The following RCOR3 variants were observed in gnomAD, a reference collection of about 807,000 sequenced individuals.
RCOR3 encodes REST corepressor 3.
A neutral mutation model predicts 64.1 loss-of-function variants in RCOR3; 13 were observed. The ratio of observed to expected loss-of-function variants is 0.20; its 90% confidence interval spans 0.13 to 0.32. The LOEUF (loss-of-function observed/expected upper bound fraction) is 0.32. RCOR3 is among the 10% of genes least tolerant of loss of function. RCOR3 has a pLI of 1.00. For synonymous variants in RCOR3, 215 were observed against 239.0 expected (o/e 0.90, Z 0.93); for missense variants, 489 against 701.2 (o/e 0.70, Z 3.42).
chr1:211,276,225 TA>T (rs759538783), intron 4 of RCOR3, 31 bp from the exon 5 acceptor site: 1 of 1,601,464 alleles, frequency 6.2e-7, no homozygotes, highest in Non-Finnish European at 8.5e-7. Context: ...ATAAGTCCAT[TA>T]AAACCAAAGG....
intron 5 of RCOR3, 46 bp from the exon 6 acceptor site, chr1:211,278,071 T>C (rs1460061415): frequency 6.7e-7 from 1 of 1,491,128 alleles, no homozygotes; most frequent in Non-Finnish European, 9.1e-7. Flanking sequence ...ATTATTCATT[T>C]TGTTTATGAA....
At chr1:211,261,764 A>G (rs552259192) in intron 2 of RCOR3, among the ~76,000 whole-genome samples, 106 of 151,786 alleles carry the variant, frequency 7.0e-4, no homozygotes, top group African/African-American at 2.5e-3. Context: ...TACTAAAAAT[A>G]CAAAAAATTA....
Position 211,259,428 on chromosome 1 carries a change from GC to G in RCOR3, c.-131del. The G allele has an allele frequency of 1.2e-6, 1 of 867,968 alleles. No individual in the cohort carries two copies. The highest frequency in any genetic ancestry group is 1.7e-6 in the Non-Finnish European group (1 of 579,770). 53.8% of individuals were successfully genotyped at this position (867,968 alleles called of 1,614,324 possible). On this transcript the variant is annotated 5_prime_UTR_variant, in exon 1 of 12. Coordinates refer to ENST00000419091, the MANE Select transcript of RCOR3 (RefSeq NM_001136223.3). ...CGGTTATGGCGGCTCCATATTAACA[GC>G]CTCCTCCTCCTCCGCCGCCGCCGCC...
intron 2 of RCOR3, chr1:211,267,845 G>C (rs1048135265): frequency 5.2e-6 from 2 of 381,288 alleles, no homozygotes; most frequent in Non-Finnish European, 1.0e-5. Context: ...CGCCCTCCTT[G>C]GCCTCCCAAA....
At chr1:211,267,856 GT>G (rs1257985719) in intron 2 of RCOR3, 1 of 388,354 alleles carries the variant, frequency 2.6e-6, no homozygotes. Context: ...GCCTCCCAAA[GT>G]GCTGGGATTA....
chr1:211,281,995 C>G lies in RCOR3; in HGVS notation c.720+2679C>G, dbSNP rs959039642. On this transcript the variant is annotated intron_variant, in intron 7 of 11. Transcript: ENST00000419091. The stretch of plus-strand genomic sequence containing the variant: ...AATGAATGAGAATACATGCTATATG[C>G]TCTTAATTGTGATATAAACCTGAAA... Among the ~76,000 whole-genome samples the G allele has an allele frequency of 2.6e-5, 4 of 152,210 alleles. No individual in the cohort carries two copies. In the East Asian group the frequency reaches 7.7e-4, roughly 29 times the overall value.
chr1:211,271,326 T>C lies in RCOR3; in HGVS notation c.301+17T>C, dbSNP rs1319898030. The C allele has an allele frequency of 6.3e-7, 1 of 1,597,482 alleles. No homozygotes were observed. Among genetic ancestry groups the C allele is most frequent in the Admixed American group, 1.7e-5 (1 of 59,952 alleles). On this transcript the variant is annotated intron_variant, in intron 3 of 11. Coordinates refer to ENST00000419091, the MANE Select transcript of RCOR3 (RefSeq NM_001136223.3). ...ATGCCAAATGTAAGTTTTCTGAAGTTGAATGTTAATGTCAGCAGGAGTTTA... is the reference window on the plus strand; with the variant it reads ...ATGCCAAATGTAAGTTTTCTGAAGTCGAATGTTAATGTCAGCAGGAGTTTA...
intron 9 of RCOR3, among the ~76,000 whole-genome samples, chr1:211,297,666 A>G (rs1699975904): frequency 6.6e-6 from 1 of 152,196 alleles, no homozygotes; most frequent in African/African-American, 2.4e-5. Flanking sequence ...TTTGGATATT[A>G]CTTTGGGTTG....
At chr1:211,308,776 A>G (rs1701192319) in intron 10 of RCOR3, among the ~76,000 whole-genome samples, 1 of 135,572 alleles carries the variant, frequency 7.4e-6, no homozygotes, top group African/African-American at 2.8e-5. Context: ...CAGTGTCAGT[A>G]TCTCGGCTCA....
At chr1:211,282,006 G>A (rs1386672210) in intron 7 of RCOR3, among the ~76,000 whole-genome samples, 1 of 152,028 alleles carries the variant, frequency 6.6e-6, no homozygotes, top group African/African-American at 2.4e-5. Context: ...TCTTAATTGT[G>A]ATATAAACCT....
chr1:211,294,586 C>CTTTTTTTTTTTTT (rs35962546), intron 8 of RCOR3, among the ~76,000 whole-genome samples: 15 of 88,028 alleles, frequency 1.7e-4, no homozygotes, highest in African/African-American at 3.3e-4. Context: ...TTCTTTCTTT[C>CTTTTTTTTTTTTT]TTTTTTTTTT....
intron 7 of RCOR3, among the ~76,000 whole-genome samples, chr1:211,280,479 C>G (rs1205519853): frequency 6.6e-6 from 1 of 152,200 alleles, no homozygotes; most frequent in Non-Finnish European, 1.5e-5. Flanking sequence ...AATGTTGATT[C>G]AATAAATCAT....
Position 211,274,585 on chromosome 1 carries a change from AGTAAGT to A in RCOR3, c.354+327_354+332del, listed in dbSNP as rs149250297. Among the ~76,000 whole-genome samples, 1,191 of 152,204 alleles carry A rather than the reference AGTAAGT, an allele frequency of 7.8e-3. 12 individuals are homozygous for A. Among genetic ancestry groups the A allele is most frequent in the Middle Eastern group, 0.02 (6 of 294 alleles). On this transcript the variant is annotated intron_variant, in intron 4 of 11. Coordinates refer to ENST00000419091, the MANE Select transcript of RCOR3 (RefSeq NM_001136223.3). The stretch of plus-strand genomic sequence containing the variant: ...AAGTTAAGGTTTTGGTGTAATTTGG[AGTAAGT>A]GTACATAGATAGAACTTTAAAACAA...
chr1:211,264,899 C>A (rs2102430505), intron 2 of RCOR3, among the ~76,000 whole-genome samples: 1 of 152,294 alleles, frequency 6.6e-6, no homozygotes, highest in Non-Finnish European at 1.5e-5. Flanking sequence ...ACTGTACTTA[C>A]ATCATGAGGA....
At chr1:211,288,778 C>A (rs10779555) in intron 7 of RCOR3, among the ~76,000 whole-genome samples, 141,639 of 151,674 alleles carry the variant, frequency 0.93, 66,252 homozygotes, top group East Asian at 1. Flanking sequence ...CTAAATTGCC[C>A]CCTTTTTTCT....
chr1:211,296,739 T>C (rs1034252635), intron 9 of RCOR3, among the ~76,000 whole-genome samples: 1 of 152,146 alleles, frequency 6.6e-6, no homozygotes, highest in African/African-American at 2.4e-5. Flanking sequence ...TGATATCTCA[T>C]TCCTTGACCA....
At position 211,314,046 on chromosome 1, in the gene RCOR3, A is replaced by G. The variant is rs1319246486; in HGVS notation, c.*278A>G. On this transcript the variant is annotated 3_prime_UTR_variant, in exon 12 of 12. Transcript: ENST00000419091. The stretch of plus-strand genomic sequence containing the variant: ...GAAAAACAAAAGATTTAAGTATTCT[A>G]TATACCAAGTTTTTGTTTTGTTTTT... The G allele has an allele frequency of 5.7e-6, 2 of 348,122 alleles. No individual in the cohort carries two copies. Among genetic ancestry groups the G allele is most frequent in the African/African-American group, 2.1e-5 (1 of 47,628 alleles). The allele number at this position is 348,122 out of a possible 1,614,324, so 21.6% of individuals were successfully genotyped here.
chr1:211,300,071 C>CTTTT (rs11419492), intron 9 of RCOR3, among the ~76,000 whole-genome samples: 39 of 121,258 alleles, frequency 3.2e-4, no homozygotes, highest in African/African-American at 6.2e-4. Context: ...TTCTTTCTTT[C>CTTTT]TTTTTTTTTT....
At chr1:211,290,347 T>C (rs1300574805) in intron 8 of RCOR3, among the ~76,000 whole-genome samples, 2 of 152,188 alleles carry the variant, frequency 1.3e-5, no homozygotes, top group Admixed American at 6.5e-5. Flanking sequence ...GAATCATCTT[T>C]TATTCATCCC....
Sources: allele counts gnomAD v4.1 joint callset (sites outside exome capture counted in the v4.1 genomes callset), GRCh38; gene constraint gnomAD v4.1.1; transcripts MANE v1.5; gene names NCBI Gene and HGNC (gene_info 2026-07-23, HGNC 2026-07-21).